Variants in LEMD2 observed in about 807,000 individuals in gnomAD.
The protein encoded by LEMD2 is LEM domain-containing protein 2.
LEMD2 carries 34 observed loss-of-function variants against 58.8 expected under a neutral mutation model. The observed-to-expected ratio is 0.58, with a 90% CI of 0.44 to 0.77. The LOEUF (loss-of-function observed/expected upper bound fraction) is 0.77, where lower values mean the gene tolerates loss of function less well. Ranked by LOEUF, LEMD2 falls within the 30% of genes least tolerant of loss-of-function variation. The pLI is 0.00. For synonymous variants in LEMD2, 298 were observed against 308.9 expected (o/e 0.96, Z 0.37); for missense variants, 629 against 717.9 (o/e 0.88, Z 1.42).
At chr6:33,787,498 G>A (rs1767705377) in intron 1 of LEMD2, among the ~76,000 whole-genome samples, 1 of 152,246 alleles carries the variant, frequency 6.6e-6, no homozygotes, top group South Asian at 2.1e-4. Flanking sequence ...GGCAGTTCCT[G>A]CTAGGCATGA....
intron 7 of LEMD2, 37 bp from the exon 8 acceptor site, chr6:33,777,093 T>C (rs1349438676): frequency 6.2e-7 from 1 of 1,611,284 alleles, no homozygotes; most frequent in South Asian, 1.1e-5. Context: ...GCAAGGACCC[T>C]CTGGCTGGCG....
chr6:33,774,964 G>A (rs939656427), intron 8 of LEMD2, among the ~76,000 whole-genome samples: 4 of 127,928 alleles, frequency 3.1e-5, no homozygotes, highest in Admixed American at 2.5e-4. Context: ...AACATTTGTG[G>A]AGGAACTGAA....
rs1185785770 is a variant in LEMD2, at chr6:33,780,936, C to T, written c.930+141G>A. On this transcript the variant is annotated intron_variant, in intron 4 of 8. Transcript: ENST00000293760. ...CTGAAGGTAGTCTAGCACAAAAAGC[C>T]ATAAACCAAACCTTAACTTAAGGTA... 6.5e-6 allele frequency: 4 copies of T among 619,780 alleles called. No homozygotes were observed. In the African/African-American group the frequency reaches 7.4e-5, roughly 11 times the overall value. 38.4% of individuals were successfully genotyped at this position (619,780 alleles called of 1,614,324 possible).
At chr6:33,781,960 G>A (rs1343391136) in intron 3 of LEMD2, 1 of 152,332 alleles carries the variant, frequency 6.6e-6, no homozygotes, top group African/African-American at 2.4e-5. Flanking sequence ...CACAGCCTGG[G>A]GGACTTCGGG....
chr6:33,780,493 G>A (rs377583723), intron 4 of LEMD2, among the ~76,000 whole-genome samples: 9 of 152,182 alleles, frequency 5.9e-5, no homozygotes, highest in African/African-American at 2.2e-4. Context: ...AGGGTAAAGC[G>A]AATAACAGCG....
rs571767797 is a variant in LEMD2 at position 33,774,007 on chromosome 6, G to C, written c.1362-1229C>G. Among the ~76,000 whole-genome samples, 448 of 152,294 alleles carry C rather than the reference G, an allele frequency of 2.9e-3. 4 individuals carry two copies. The highest frequency in any genetic ancestry group is 0.01 in the African/African-American group (433 of 41,566). ...GGCTACCTGAGTGGCAGCAGCTCTGGGTATCTATGCTAATGCACGAAGGCT... is the reference window on the plus strand; with the variant it reads ...GGCTACCTGAGTGGCAGCAGCTCTGCGTATCTATGCTAATGCACGAAGGCT... On this transcript the variant is annotated intron_variant, in intron 8 of 8. Coordinates refer to ENST00000293760, the MANE Select transcript of LEMD2 (RefSeq NM_181336.4).
chr6:33,777,450 G>A (rs557029436), intron 6 of LEMD2, among the ~76,000 whole-genome samples: 3 of 152,304 alleles, frequency 2.0e-5, no homozygotes, highest in African/African-American at 4.8e-5. Context: ...TCCTCCCACC[G>A]GCTGTCACCA....
Position 33,771,718 on chromosome 6 carries a change from GA to G in LEMD2, c.*909del, listed in dbSNP as rs1380549141. ...GCCACTGCGCCTCTCCCGCCGCCAAGAGCCGCGGCCGGGGTAACAGAAACGC... is the reference window on the plus strand; with the variant it reads ...GCCACTGCGCCTCTCCCGCCGCCAAGGCCGCGGCCGGGGTAACAGAAACGC... On this transcript the variant is annotated 3_prime_UTR_variant, in exon 9 of 9. Coordinates refer to ENST00000293760, the MANE Select transcript of LEMD2 (RefSeq NM_181336.4). The G allele has an allele frequency of 6.6e-6, 1 of 152,262 alleles. No homozygotes were observed. The highest frequency in any genetic ancestry group is 1.9e-4 in the East Asian group (1 of 5,188). The allele number at this position is 152,262 out of a possible 1,614,324, so 9.4% of individuals were successfully genotyped here.
chr6:33,788,298 G>T, intron 1 of LEMD2, 83 bp downstream of exon 1: 2 of 1,359,470 alleles, frequency 1.5e-6, no homozygotes, highest in Non-Finnish European at 1.9e-6. Flanking sequence ...GGAAGTGCGC[G>T]GCCTGGCGCC....
intron 8 of LEMD2, chr6:33,776,593 G>C (rs1022072004): frequency 2.8e-5 from 8 of 286,768 alleles, no homozygotes; most frequent in Non-Finnish European, 4.2e-5. Context: ...TCTGTGCCTG[G>C]AGCCCATGCA....
Position 33,788,864 on chromosome 6 carries a change from C to G in LEMD2, c.253G>C (p.Ala85Pro). 1 of 1,380,518 alleles carries G rather than the reference C, an allele frequency of 7.2e-7. No homozygotes were observed. Among genetic ancestry groups the G allele is most frequent in the Non-Finnish European group, 9.3e-7 (1 of 1,074,964 alleles). 85.5% of individuals were successfully genotyped at this position (1,380,518 alleles called of 1,614,324 possible). Residue 85 changes from alanine (A) to proline (P), a missense_variant, in exon 1 of 9, where the codon GCG becomes CCG. Coordinates refer to ENST00000293760, the MANE Select transcript of LEMD2 (RefSeq NM_181336.4). ...GCCGGCTGGGAGAGCCAGGGCTCCG[C>G]CCGCGGAGAGGCCGCGGCGGGCCGG... is the stretch of plus-strand genomic sequence containing the variant. The part of the protein sequence containing the change: ...RARPAAASPR[A>P]EPWLSQPASG...
intron 6 of LEMD2, among the ~76,000 whole-genome samples, chr6:33,777,933 G>A (rs905427557): frequency 6.6e-6 from 1 of 152,192 alleles, no homozygotes; most frequent in African/African-American, 2.4e-5. Context: ...TGGGATCCCT[G>A]CAGAGCCCAG....
At chr6:33,775,989 G>C (rs1199059380) in intron 8 of LEMD2, among the ~76,000 whole-genome samples, 1 of 152,142 alleles carries the variant, frequency 6.6e-6, no homozygotes, top group Non-Finnish European at 1.5e-5. Context: ...CACTGGGGGG[G>C]GCCCTGCTGG....
At chr6:33,780,434 A>T (rs1249295961) in intron 4 of LEMD2, 1 of 509,472 alleles carries the variant, frequency 2.0e-6, no homozygotes, top group East Asian at 3.7e-5. Flanking sequence ...AAAGAATATG[A>T]TTCTCTCGAG....
rs961257452 is a variant in LEMD2 at position 33,771,724 on chromosome 6, C to CG, written c.*903dup. 1 of 152,254 alleles carries CG rather than the reference C, an allele frequency of 6.6e-6. No individual in the cohort carries two copies. Among genetic ancestry groups the CG allele is most frequent in the African/African-American group, 2.4e-5 (1 of 41,468 alleles). 9.4% of individuals were successfully genotyped at this position (152,254 alleles called of 1,614,324 possible). On this transcript the variant is annotated 3_prime_UTR_variant, in exon 9 of 9. Transcript: ENST00000293760. ...GCGCCTCTCCCGCCGCCAAGAGCCG[C>CG]GGCCGGGGTAACAGAAACGCCGGCT...
Position 33,778,469 on chromosome 6 carries a change from C to A in LEMD2, c.1011-82G>T. The A allele has an allele frequency of 8.2e-7, 1 of 1,221,416 alleles. No individual in the cohort carries two copies. Among genetic ancestry groups the A allele is most frequent in the Non-Finnish European group, 1.1e-6 (1 of 914,006 alleles). The allele number at this position is 1,221,416 out of a possible 1,614,324, so 75.7% of individuals were successfully genotyped here. A position where few individuals can be genotyped will look rare whatever the true frequency, so the allele number is the denominator to read the frequency against. ...AAGCCCCACTTCAAACAGGAGGAAG[C>A]GAAGGAAAGTGGGGACGCAAGGCCT... On this transcript the variant is annotated intron_variant, in intron 5 of 8. Transcript: ENST00000293760. This position sits in a 1 kb window ranked among gnomAD's most constrained non-coding sequence, Gnocchi z 4.7.
At position 33,788,605 on chromosome 6, in the gene LEMD2, C is replaced by G; in HGVS notation, c.512G>C (p.Arg171Pro). The change falls in exon 1 of 9, where the codon CGG becomes CCG. Residue 171 changes from arginine to proline, a missense_variant. This residue lies in a region of LEMD2 where 386 missense variants were observed against 381.1 expected (regional missense o/e 1.01). Transcript: ENST00000293760. The part of the protein sequence containing the change: ...RWWAASPAPA[R>P]LPSSLLGPDP... ...GGGACCGAGGAGGGAGGAAGGCAGCCGCGCCGGGGCGGGAGACGCTGCCCA... is the reference window on the plus strand; with the variant it reads ...GGGACCGAGGAGGGAGGAAGGCAGCGGCGCCGGGGCGGGAGACGCTGCCCA... The G allele has an allele frequency of 1.6e-6, 2 of 1,276,950 alleles. No homozygotes were observed. Among genetic ancestry groups the G allele is most frequent in the East Asian group, 3.2e-5 (1 of 31,164 alleles). The allele number at this position is 1,276,950 out of a possible 1,614,324, so 79.1% of individuals were successfully genotyped here. A position where few individuals can be genotyped will look rare whatever the true frequency, so the allele number is the denominator to read the frequency against.
At chr6:33,780,003 G>A in intron 5 of LEMD2, 97 bp downstream of exon 5, 4 of 1,068,346 alleles carry the variant, frequency 3.7e-6, no homozygotes, top group Non-Finnish European at 5.6e-6. Context: ...TCCAGCTTCA[G>A]ACCTGAGACA....
At chr6:33,788,325 C>A in intron 1 of LEMD2, 56 bp downstream of exon 1, 2 of 1,487,764 alleles carry the variant, frequency 1.3e-6, no homozygotes, top group African/African-American at 1.4e-5. Context: ...AACGGGGGGT[C>A]CTCCGGCGGA....
Sources: allele counts gnomAD v4.1 joint callset (sites outside exome capture counted in the v4.1 genomes callset), GRCh38; gene constraint gnomAD v4.1.1; regional missense constraint gnomAD v4.1.1; non-coding constraint Gnocchi (gnomAD v3.1); transcripts MANE v1.5; gene names NCBI Gene and HGNC (gene_info 2026-07-23, HGNC 2026-07-21).